Variants in ODAD2 observed in about 807,000 individuals in gnomAD.
ODAD2 encodes outer dynein arm docking complex subunit 2, also known as outer dynein arm-docking complex subunit 2.
In ODAD2, 89 loss-of-function variants were observed where a neutral mutation model predicts 106.8. That is an observed-to-expected ratio of 0.83 (90% confidence interval 0.70 to 0.99). ODAD2 has a LOEUF of 0.99. Ranked by LOEUF, ODAD2 falls within the 50% of genes least tolerant of loss-of-function variation. ODAD2 has a pLI of 0.00. For synonymous variants in ODAD2, 404 were observed against 436.2 expected, an observed-to-expected ratio of 0.93 and a Z score of 0.92; for missense variants, 1,168 against 1,238.5, an observed-to-expected ratio of 0.94 and a Z score of 0.85.
At chr10:27,924,634 A>C (rs1277295693) in intron 16 of ODAD2, among the ~76,000 whole-genome samples, 2 of 147,022 alleles carry the variant, frequency 1.4e-5, no homozygotes, top group South Asian at 2.1e-4. Context: ...AAAAAAAAAA[A>C]AAAAAACAGA....
intron 2 of ODAD2, among the ~76,000 whole-genome samples, chr10:27,991,201 A>G (rs1320401018): frequency 1.3e-5 from 2 of 152,232 alleles, no homozygotes; most frequent in African/African-American, 4.8e-5. Context: ...ATTGCAAATG[A>G]TAATACAAAG....
chr10:27,984,850 T>A (rs1849773221), intron 4 of ODAD2, among the ~76,000 whole-genome samples, 169 bp downstream of exon 4: 2 of 152,210 alleles, frequency 1.3e-5, no homozygotes, highest in South Asian at 4.1e-4. Flanking sequence ...AGCAACTTTG[T>A]AACTAATTTT....
chr10:27,927,000 T>C (rs955414710), intron 16 of ODAD2, among the ~76,000 whole-genome samples: 4 of 152,176 alleles, frequency 2.6e-5, no homozygotes, highest in Non-Finnish European at 2.9e-5. Flanking sequence ...AGGATACCTA[T>C]TGTCCCATTT....
At chr10:27,867,425 T>C (rs1465152403) in intron 17 of ODAD2, among the ~76,000 whole-genome samples, 1 of 152,114 alleles carries the variant, frequency 6.6e-6, no homozygotes, top group African/African-American at 2.4e-5. Context: ...GACAAAGCCA[T>C]GCACAGAAGA....
chr10:27,887,383 G>T (rs1842294303), intron 17 of ODAD2, among the ~76,000 whole-genome samples: 2 of 151,890 alleles, frequency 1.3e-5, no homozygotes, highest in South Asian at 4.1e-4. Context: ...GGAAAAATAG[G>T]CAACTTCAAT....
intron 17 of ODAD2, chr10:27,904,312 C>T (rs931396627): frequency 2.6e-5 from 9 of 348,420 alleles, no homozygotes; most frequent in African/African-American, 1.1e-4. Flanking sequence ...GCTGTGTATG[C>T]GCGGGGAACA....
chr10:27,867,533 G>C (rs1415127831), intron 17 of ODAD2, among the ~76,000 whole-genome samples: 1 of 152,176 alleles, frequency 6.6e-6, no homozygotes, highest in Non-Finnish European at 1.5e-5. Context: ...TGGAAGCAGA[G>C]GGGCCAGAAT....
At chr10:27,947,681 T>C (rs1247403565) in intron 10 of ODAD2, among the ~76,000 whole-genome samples, 2 of 152,126 alleles carry the variant, frequency 1.3e-5, no homozygotes, top group African/African-American at 2.4e-5. Context: ...GGTTTGGAAA[T>C]CCAAACCAAG....
intron 19 of ODAD2, among the ~76,000 whole-genome samples, chr10:27,821,838 T>C (rs1836639100): frequency 6.6e-6 from 1 of 152,234 alleles, no homozygotes. Flanking sequence ...CTTACCTTTT[T>C]GAAGTCCTTG....
chr10:27,825,159 G>A (rs556537841), intron 19 of ODAD2, among the ~76,000 whole-genome samples: 2 of 152,224 alleles, frequency 1.3e-5, no homozygotes, highest in South Asian at 2.1e-4. Context: ...TCCAAGCCAT[G>A]AACAAAATTT....
intron 19 of ODAD2, among the ~76,000 whole-genome samples, chr10:27,857,385 A>G (rs1289484905): frequency 1.3e-5 from 2 of 152,210 alleles, no homozygotes; most frequent in African/African-American, 4.8e-5. Context: ...GGCTATTAGT[A>G]GTTAAGTTCT....
intron 10 of ODAD2, among the ~76,000 whole-genome samples, chr10:27,947,212 T>C (rs1204490722): frequency 6.6e-6 from 1 of 152,200 alleles, no homozygotes; most frequent in African/African-American, 2.4e-5. Context: ...GTCAGGTTCA[T>C]AAACCCCCAT....
At chr10:27,939,502 A>G (rs1846231772) in intron 14 of ODAD2, among the ~76,000 whole-genome samples, 1 of 152,146 alleles carries the variant, frequency 6.6e-6, no homozygotes, top group South Asian at 2.1e-4. Flanking sequence ...AATCACTTGA[A>G]GCCAGGGGTT....
At chr10:27,987,625 T>C (rs2133162096) in intron 2 of ODAD2, 82 bp from the exon 3 acceptor site, 5 of 896,840 alleles carry the variant, frequency 5.6e-6, no homozygotes, top group Non-Finnish European at 6.6e-6. Context: ...TTAGACAGAT[T>C]ATTCCTATAT....
intron 19 of ODAD2, among the ~76,000 whole-genome samples, chr10:27,849,447 T>G (rs549448878): frequency 1.1e-3 from 170 of 152,172 alleles, no homozygotes; most frequent in Non-Finnish European, 1.8e-3. Flanking sequence ...ATACACCTAA[T>G]GTAAATGACG....
chr10:27,860,608 A>G lies in ODAD2; in HGVS notation c.3021+17T>C, dbSNP rs1396318736. ...TTTACCAAACTTGGACTAAACCACA[A>G]AGTCATTCAACTGTACCTTTACTGC... is the stretch of plus-strand genomic sequence containing the variant. On this transcript the variant is annotated intron_variant, in intron 19 of 19. Transcript: ENST00000305242. 1 of 1,609,708 alleles carries G rather than the reference A, an allele frequency of 6.2e-7. No homozygotes were observed. Among genetic ancestry groups the G allele is most frequent in the East Asian group, 2.2e-5 (1 of 44,796 alleles).
intron 17 of ODAD2, among the ~76,000 whole-genome samples, chr10:27,898,618 T>C (rs1427464231): frequency 6.6e-6 from 1 of 152,182 alleles, no homozygotes; most frequent in African/African-American, 2.4e-5. Flanking sequence ...AGTTGGCTTA[T>C]TTCTTTCCCT....
chr10:27,855,002 G>A (rs1839560129), intron 19 of ODAD2, among the ~76,000 whole-genome samples: 1 of 152,076 alleles, frequency 6.6e-6, no homozygotes, highest in Non-Finnish European at 1.5e-5. Flanking sequence ...CCAGTGATTG[G>A]CCCAGGCAGA....
chr10:27,876,900 G>A (rs1407515200), intron 17 of ODAD2, among the ~76,000 whole-genome samples: 1 of 152,080 alleles, frequency 6.6e-6, no homozygotes, highest in Non-Finnish European at 1.5e-5. Context: ...GGCATCTGTA[G>A]CCTTTTGTTC....
Sources: gnomAD v4.1 joint callset for allele counts (sites outside exome capture counted in the v4.1 genomes callset) on GRCh38, gnomAD v4.1.1 for gene constraint, MANE v1.5 for transcripts, NCBI Gene and HGNC (gene_info 2026-07-23, HGNC 2026-07-21) for gene names.